Variants in SEC61A2 observed in about 807,000 individuals in gnomAD.
The protein encoded by SEC61A2 is protein transport protein Sec61 subunit alpha isoform 2.
Under a neutral mutation model 59.9 loss-of-function variants are expected in SEC61A2, and 28 were observed. The observed-to-expected ratio is 0.47, with a 90% CI of 0.35 to 0.64. The LOEUF (loss-of-function observed/expected upper bound fraction) is 0.64, where lower values mean the gene tolerates loss of function less well. SEC61A2 is among the 30% of genes least tolerant of loss of function. The pLI, the probability that SEC61A2 is intolerant of heterozygous loss-of-function variation, is 0.01. For synonymous variants in SEC61A2, 202 were observed against 214.4 expected, an observed-to-expected ratio of 0.94 and a Z score of 0.50; for missense variants, 340 against 585.9, an observed-to-expected ratio of 0.58 and a Z score of 4.33.
chr10:12,131,505 G>T (rs1171248305), intron 1 of SEC61A2, among the ~76,000 whole-genome samples: 1 of 151,902 alleles, frequency 6.6e-6, no homozygotes, highest in African/African-American at 2.4e-5. Context: ...AAAGAACCTT[G>T]ATTTATCTTA....
In SEC61A2 at chr10:12,142,537, C is replaced by G; in HGVS notation, c.142-580C>G. 1 of 982,154 alleles carries G rather than the reference C, an allele frequency of 1.0e-6. No individual in the cohort carries two copies. Among genetic ancestry groups the G allele is most frequent in the Non-Finnish European group, 1.2e-6 (1 of 826,988 alleles). 60.8% of individuals were successfully genotyped at this position (982,154 alleles called of 1,614,324 possible). ...CCTTGGCTGTCTTTAGTATATAGAGCTTTGCAAAATCATTCTACGACCAGG... is the reference window on the plus strand; with the variant it reads ...CCTTGGCTGTCTTTAGTATATAGAGGTTTGCAAAATCATTCTACGACCAGG... On this transcript the variant is annotated intron_variant, in intron 3 of 11. Coordinates refer to ENST00000298428, the MANE Select transcript of SEC61A2 (RefSeq NM_018144.4). The surrounding 1 kb of genome is among the most constrained non-coding windows in gnomAD (Gnocchi z 5.4).
Position 12,146,814 on chromosome 10 carries a change from A to G in SEC61A2, c.221-2781A>G, listed in dbSNP as rs569153353. Reference sequence around the variant, plus strand: ...ATTACAGGTGTGAGCCACCGCGCCCAGCCAGTTTGTTCACTTTTTAATTGA... The same window carrying G: ...ATTACAGGTGTGAGCCACCGCGCCCGGCCAGTTTGTTCACTTTTTAATTGA... On this transcript the variant is annotated intron_variant, in intron 4 of 11. Coordinates refer to ENST00000298428, the MANE Select transcript of SEC61A2 (RefSeq NM_018144.4). Among the ~76,000 whole-genome samples the G allele has an allele frequency of 1.4e-3, 213 of 152,120 alleles. 1 individual carries two copies. Among genetic ancestry groups the G allele is most frequent in the Non-Finnish European group, 2.6e-3 (174 of 67,976 alleles).
chr10:12,132,065 G>GGCC (rs1474824149), intron 1 of SEC61A2, among the ~76,000 whole-genome samples: 2 of 149,690 alleles, frequency 1.3e-5, no homozygotes, highest in African/African-American at 4.9e-5. Context: ...CACTTTGGGA[G>GGCC]GCCGAGACGG....
In SEC61A2 at chr10:12,142,992, AC is replaced by A; in HGVS notation, c.142-122del. 1 of 666,996 alleles carries A rather than the reference AC, an allele frequency of 1.5e-6. No individual in the cohort carries two copies. Among genetic ancestry groups the A allele is most frequent in the Non-Finnish European group, 2.7e-6 (1 of 375,808 alleles). The allele number at this position is 666,996 out of a possible 1,614,324, so 41.3% of individuals were successfully genotyped here. A position where few individuals can be genotyped will look rare whatever the true frequency, so the allele number is the denominator to read the frequency against. ...TTTTTTTGAGACAGAGTCTCCTGTCACCCAGGCTGGAGTGCAGTGGCGTGAT... is the reference window on the plus strand; with the variant it reads ...TTTTTTTGAGACAGAGTCTCCTGTCACCAGGCTGGAGTGCAGTGGCGTGAT... On this transcript the variant is annotated intron_variant, in intron 3 of 11. Transcript: ENST00000298428. The surrounding 1 kb of genome is among the most constrained non-coding windows in gnomAD (Gnocchi z 5.4).
rs1834078817 is a variant in SEC61A2, at chr10:12,143,791, T to C, written c.220+596T>C. 6.6e-6 allele frequency among the ~76,000 whole-genome samples: 1 copy of C among 152,152 alleles called. No homozygotes were observed. The highest frequency in any genetic ancestry group is 1.5e-5 in the Non-Finnish European group (1 of 68,014). ...CGGGGAGCTCAGCTGGAGCTGAGCC[T>C]GAAGCCTCAAGCAGCATTGTTCATC... is the stretch of plus-strand genomic sequence containing the variant. On this transcript the variant is annotated intron_variant, in intron 4 of 11. Coordinates refer to ENST00000298428, the MANE Select transcript of SEC61A2 (RefSeq NM_018144.4). The surrounding 1 kb of genome is among the most constrained non-coding windows in gnomAD (Gnocchi z 4.8).
At position 12,160,658 on chromosome 10, in the gene SEC61A2, A is replaced by G. The variant is rs1188342297; in HGVS notation, c.976-272A>G. 2.6e-5 allele frequency among the ~76,000 whole-genome samples: 4 copies of G among 152,150 alleles called. No homozygotes were observed. Among genetic ancestry groups the G allele is most frequent in the Admixed American group, 2.0e-4 (3 of 15,280 alleles). ...TGATTGTAAATGTAATCATATTCCT[A>G]TTTTCAGTAATGGAAGATTTTGTAA... is the stretch of plus-strand genomic sequence containing the variant. On this transcript the variant is annotated intron_variant, in intron 9 of 11. Coordinates refer to ENST00000298428, the MANE Select transcript of SEC61A2 (RefSeq NM_018144.4). The surrounding 1 kb of genome is among the most constrained non-coding windows in gnomAD (Gnocchi z 4.1).
At position 12,160,892 on chromosome 10, in the gene SEC61A2, T is replaced by G. The variant is rs751226535; in HGVS notation, c.976-38T>G. 6.5e-7 allele frequency: 1 copy of G among 1,545,500 alleles called. No individual in the cohort carries two copies. Among genetic ancestry groups the G allele is most frequent in the Non-Finnish European group, 8.8e-7 (1 of 1,137,384 alleles). ...ACATGCAAATGTATTCCTGACTAAT[T>G]AGGTTGACCACTTGTTCTTTGTACT... On this transcript the variant is annotated intron_variant, in intron 9 of 11. Coordinates refer to ENST00000298428, the MANE Select transcript of SEC61A2 (RefSeq NM_018144.4). The surrounding 1 kb of genome is among the most constrained non-coding windows in gnomAD (Gnocchi z 4.1).
At chr10:12,167,926 C>A, downstream of SEC61A2, 1 of 1,463,828 alleles carries the variant, frequency 6.8e-7, no homozygotes. Context: ...ATGCTAGATG[C>A]TGGTGATAAC....
At position 12,156,645 on chromosome 10, in the gene SEC61A2, T is replaced by A. The variant is rs1834401777; in HGVS notation, c.617-262T>A. On this transcript the variant is annotated intron_variant, in intron 7 of 11. Transcript: ENST00000298428. The surrounding 1 kb of genome is among the most constrained non-coding windows in gnomAD (Gnocchi z 5.2). ...CAAATCTCTATGAATGAAATTTTGC[T>A]TTGGTAAATTTTACGTTGTATGTTT... Among the ~76,000 whole-genome samples, 1 of 152,256 alleles carries A rather than the reference T, an allele frequency of 6.6e-6. No homozygotes were observed. Among genetic ancestry groups the A allele is most frequent in the Non-Finnish European group, 1.5e-5 (1 of 68,048 alleles).
intron 4 of SEC61A2, among the ~76,000 whole-genome samples, chr10:12,144,587 T>C (rs1834097406): frequency 6.6e-6 from 1 of 152,144 alleles, no homozygotes; most frequent in African/African-American, 2.4e-5. Flanking sequence ...AGTTGATATT[T>C]GCTGTTTGGG....
In SEC61A2 at chr10:12,164,279, C is replaced by G. The variant is rs776151032; in HGVS notation, c.1256C>G (p.Thr419Ser). Residue 419 changes from threonine (T) to serine (S), a missense_variant, in exon 12 of 12, where the codon ACC (threonine) becomes AGC (serine). Physicochemically the swap from Thr to Ser is moderately conservative, Grantham distance 58. Coordinates refer to ENST00000298428, the MANE Select transcript of SEC61A2 (RefSeq NM_018144.4). The surrounding 1 kb of genome is among the most constrained non-coding windows in gnomAD (Gnocchi z 7.3). ...GTTCTGTCTCCTAGGTACATCCCCA[C>G]CGCAGCTGCGTTTGGCGGTTTGTGC... Reference protein sequence around the residue: ...MVHELNRYIPTAAAFGGLCIG... With the variant: ...MVHELNRYIPSAAAFGGLCIG... The G allele has an allele frequency of 3.1e-6, 5 of 1,613,090 alleles. No individual in the cohort carries two copies. Among genetic ancestry groups the G allele is most frequent in the South Asian group, 2.2e-5 (2 of 91,026 alleles).
chr10:12,136,465 G>A (rs530302752), intron 3 of SEC61A2, among the ~76,000 whole-genome samples: 1 of 144,736 alleles, frequency 6.9e-6, no homozygotes, highest in East Asian at 2.0e-4. Flanking sequence ...CTACTACCAT[G>A]CCCAGCTAAA....
chr10:12,131,018 T>G (rs1486939953), intron 1 of SEC61A2, among the ~76,000 whole-genome samples: 1 of 151,902 alleles, frequency 6.6e-6, no homozygotes, highest in Non-Finnish European at 1.5e-5. Context: ...ACTAAAAATA[T>G]AAAAATCAGC....
rs1834123084 is a variant in SEC61A2, at chr10:12,145,691, T to C, written c.220+2496T>C. Among the ~76,000 whole-genome samples the C allele has an allele frequency of 6.6e-6, 1 of 152,228 alleles. No homozygotes were observed. Among genetic ancestry groups the C allele is most frequent in the African/African-American group, 2.4e-5 (1 of 41,470 alleles). On this transcript the variant is annotated intron_variant, in intron 4 of 11. Transcript: ENST00000298428. The surrounding 1 kb of genome is among the most constrained non-coding windows in gnomAD (Gnocchi z 4.4). ...CTTTCGTAGTCCGTAGATGTGATGA[T>C]TGGATCTTCACGCTCGTGTGTGAGA...
At position 12,142,893 on chromosome 10, in the gene SEC61A2, A is replaced by C. The variant is rs1242563297; in HGVS notation, c.142-224A>C. ...TATGCTTGTTTTTGTTGAAGAACAT[A>C]AGAATAGTTTTTAAAAAAGTATTGC... On this transcript the variant is annotated intron_variant, in intron 3 of 11. Coordinates refer to ENST00000298428, the MANE Select transcript of SEC61A2 (RefSeq NM_018144.4). The surrounding 1 kb of genome is among the most constrained non-coding windows in gnomAD (Gnocchi z 5.4). Among the ~76,000 whole-genome samples, 2 of 152,152 alleles carry C rather than the reference A, an allele frequency of 1.3e-5. No homozygotes were observed. The highest frequency in any genetic ancestry group is 2.9e-5 in the Non-Finnish European group (2 of 68,028).
At chr10:12,144,043 C>G (rs1315712964) in intron 4 of SEC61A2, among the ~76,000 whole-genome samples, 1 of 152,060 alleles carries the variant, frequency 6.6e-6, no homozygotes. Context: ...GTTGCCTAGG[C>G]TGGTCTTGAA....
At chr10:12,163,166 C>T (rs1159849842) in intron 11 of SEC61A2, among the ~76,000 whole-genome samples, 1 of 152,166 alleles carries the variant, frequency 6.6e-6, no homozygotes, top group African/African-American at 2.4e-5. Flanking sequence ...AGCACTAGCT[C>T]TGGCTTTTTA....
chr10:12,141,159 C>G (rs1834011547), intron 3 of SEC61A2, among the ~76,000 whole-genome samples: 1 of 152,186 alleles, frequency 6.6e-6, no homozygotes, highest in African/African-American at 2.4e-5. Context: ...GTTGGACTCC[C>G]AAGATACTGG....
At chr10:12,166,812 GAACTGCTAGAT>G, downstream of SEC61A2, 2 of 469,074 alleles carry the variant, frequency 4.3e-6, no homozygotes, top group South Asian at 3.1e-5. Context: ...AACACTGGTA[GAACTGCTAGAT>G]GACAGGGTTT....
Sources: allele counts gnomAD v4.1 joint callset (sites outside exome capture counted in the v4.1 genomes callset), GRCh38; gene constraint gnomAD v4.1.1; non-coding constraint Gnocchi (gnomAD v3.1); transcripts MANE v1.5; gene names NCBI Gene and HGNC (gene_info 2026-07-23, HGNC 2026-07-21).